PKHD1: variants seen among roughly 807,000 people sequenced by gnomAD.
PKHD1 encodes PKHD1 ciliary IPT domain containing fibrocystin/polyductin.
PKHD1 carries 291 observed loss-of-function variants against 412.0 expected under a neutral mutation model. The ratio of observed to expected loss-of-function variants is 0.71; its 90% confidence interval spans 0.64 to 0.78. The LOEUF (loss-of-function observed/expected upper bound fraction) is 0.78. PKHD1 is among the 30% of genes least tolerant of loss of function. The probability of loss-of-function intolerance (pLI) is 0.00; values close to 1 mark genes in which losing one functional copy is unlikely to be tolerated. For missense variants in PKHD1, 4,825 were observed against 4,950.7 expected, an observed-to-expected ratio of 0.97 and a Z score of 0.76; for synonymous variants, 1,777 against 1,821.5, an observed-to-expected ratio of 0.98 and a Z score of 0.62.
intron 34 of PKHD1, among the ~76,000 whole-genome samples, chr6:52,014,738 ATGGATGG>A (rs1800284034): frequency 6.7e-6 from 1 of 148,190 alleles, no homozygotes; most frequent in Non-Finnish European, 1.5e-5. Context: ...GGATGGATGG[ATGGATGG>A]ATGGATGGAT....
intron 63 of PKHD1, among the ~76,000 whole-genome samples, chr6:51,642,349 G>A (rs1383681945): frequency 6.6e-6 from 1 of 152,150 alleles, no homozygotes; most frequent in Non-Finnish European, 1.5e-5. Flanking sequence ...TATGGACTAT[G>A]GGTTAGAAAT....
chr6:51,813,255 T>C (rs1764966666), intron 52 of PKHD1, among the ~76,000 whole-genome samples: 1 of 152,190 alleles, frequency 6.6e-6, no homozygotes, highest in African/African-American at 2.4e-5. Context: ...TCTTAGTGTG[T>C]CAAACATGGT....
chr6:52,065,153 A>ATATATATG (rs1809394842), intron 12 of PKHD1, 103 bp from the exon 13 acceptor site: 2 of 98,796 alleles, frequency 2.0e-5, no homozygotes, highest in Non-Finnish European at 3.8e-5. Context: ...ATATATATAT[A>ATATATATG]TATATATATA....
intron 52 of PKHD1, among the ~76,000 whole-genome samples, chr6:51,807,451 AAAAAAAAAT>A (rs1255722551): frequency 0.043 from 3,640 of 83,798 alleles, 235 homozygotes; most frequent in East Asian, 0.093. Flanking sequence ...AAAAAAAAAA[AAAAAAAAAT>A]ATATATATAT....
chr6:51,981,571 G>A (rs559823552), intron 35 of PKHD1, among the ~76,000 whole-genome samples: 403 of 146,696 alleles, frequency 2.7e-3, no homozygotes, highest in African/African-American at 8.8e-3. Flanking sequence ...CGCCAGCCTC[G>A]GCCTCCCGGG....
At chr6:51,709,576 T>C (rs188388806) in intron 60 of PKHD1, among the ~76,000 whole-genome samples, 80 of 152,330 alleles carry the variant, frequency 5.3e-4, no homozygotes, top group African/African-American at 1.8e-3. Flanking sequence ...CAGCACTCTT[T>C]CTATGGGAAA....
chr6:52,034,171 C>A (rs1277788103), intron 28 of PKHD1, among the ~76,000 whole-genome samples: 1 of 83,430 alleles, frequency 1.2e-5, no homozygotes, highest in Non-Finnish European at 2.8e-5. Context: ...AAAATAGGAA[C>A]TCTAGGGGAA....
intron 36 of PKHD1, among the ~76,000 whole-genome samples, chr6:51,939,343 G>C (rs375795898): frequency 6.6e-6 from 1 of 150,696 alleles, no homozygotes; most frequent in African/African-American, 2.4e-5. Flanking sequence ...GCAAGAACCC[G>C]CTGACCCCTT....
intron 61 of PKHD1, among the ~76,000 whole-genome samples, chr6:51,655,756 C>A (rs923032898): frequency 1.3e-5 from 2 of 152,016 alleles, no homozygotes; most frequent in Non-Finnish European, 2.9e-5. Flanking sequence ...CCTATGACTA[C>A]AGAATTGAGG....
intron 65 of PKHD1, among the ~76,000 whole-genome samples, chr6:51,629,476 T>G (rs1378265356): frequency 2.0e-5 from 3 of 152,046 alleles, no homozygotes; most frequent in African/African-American, 7.2e-5. Flanking sequence ...TCATCATCAC[T>G]AATCATTAGA....
intron 52 of PKHD1, among the ~76,000 whole-genome samples, chr6:51,828,705 G>T (rs1767743887): frequency 6.6e-6 from 1 of 151,980 alleles, no homozygotes; most frequent in Non-Finnish European, 1.5e-5. Context: ...TTTAAAGAAG[G>T]CTAGGAATGA....
intron 31 of PKHD1, among the ~76,000 whole-genome samples, chr6:52,027,525 T>C (rs1581822651): frequency 2.6e-5 from 2 of 78,358 alleles, no homozygotes; most frequent in South Asian, 4.5e-4. Context: ...AGAGCGAAAC[T>C]CCGTCTCAAA....
chr6:51,841,295 A>C (rs1037931159), intron 50 of PKHD1, among the ~76,000 whole-genome samples: 1 of 152,244 alleles, frequency 6.6e-6, no homozygotes, highest in Non-Finnish European at 1.5e-5. Context: ...TAAGGCTAGC[A>C]ACTCAGCATT....
At chr6:51,629,946 C>T (rs1200554572) in intron 65 of PKHD1, among the ~76,000 whole-genome samples, 1 of 151,652 alleles carries the variant, frequency 6.6e-6, no homozygotes, top group Non-Finnish European at 1.5e-5. Context: ...CTTGTATCAA[C>T]TACATGAGCT....
At chr6:51,872,496 C>T (rs1409212403) in intron 46 of PKHD1, among the ~76,000 whole-genome samples, 1 of 152,028 alleles carries the variant, frequency 6.6e-6, no homozygotes, top group Non-Finnish European at 1.5e-5. Flanking sequence ...GCAACCTCTG[C>T]TTCCTGGGTT....
At chr6:51,715,170 CTT>C (rs1001126384) in intron 60 of PKHD1, among the ~76,000 whole-genome samples, 21 of 151,782 alleles carry the variant, frequency 1.4e-4, no homozygotes, top group African/African-American at 5.1e-4. Flanking sequence ...AATTGTCTCT[CTT>C]TTTTTTCTGA....
intron 60 of PKHD1, among the ~76,000 whole-genome samples, chr6:51,696,401 G>A (rs937269087): frequency 6.6e-6 from 1 of 152,110 alleles, no homozygotes; most frequent in East Asian, 1.9e-4. Context: ...CAAGGTTCAC[G>A]AGAGCCATCA....
rs1257592689 is a variant in PKHD1, at chr6:51,772,776, T to C, written c.8568A>G (p.Lys2856=). 1 of 1,581,276 alleles carries C rather than the reference T, an allele frequency of 6.3e-7. No homozygotes were observed. Among genetic ancestry groups the C allele is most frequent in the Non-Finnish European group, 8.7e-7 (1 of 1,150,694 alleles). ...IDPGTIGVYG[K]VHLYSAYPKN... ...TAGGATAAGCACTGTAAAGATGAAC[T>C]TTCCCATAAACCCCTGAAAATAAAA... The change falls in exon 55 of 67, where the codon AAA becomes AAG. Residue 2856 remains lysine, a synonymous_variant. Coordinates refer to ENST00000371117, the MANE Select transcript of PKHD1 (RefSeq NM_138694.4).
chr6:51,699,777 T>C lies in PKHD1; in HGVS notation c.10157-39808A>G, dbSNP rs1469940807. On this transcript the variant is annotated intron_variant, in intron 60 of 66. Coordinates refer to ENST00000371117, the MANE Select transcript of PKHD1 (RefSeq NM_138694.4). Reference sequence around the variant, plus strand: ...TGTTTATTTCTTTTTGTATCTGTGCTAACTATAAAATGTGCTCCATGCTTT... The same window carrying C: ...TGTTTATTTCTTTTTGTATCTGTGCCAACTATAAAATGTGCTCCATGCTTT... 2.6e-5 allele frequency among the ~76,000 whole-genome samples: 4 copies of C among 152,140 alleles called. No homozygotes were observed. In the South Asian group the frequency reaches 6.2e-4, roughly 24 times the overall value.
Sources: allele counts gnomAD v4.1 joint callset (sites outside exome capture counted in the v4.1 genomes callset), GRCh38; gene constraint gnomAD v4.1.1; transcripts MANE v1.5; gene names NCBI Gene and HGNC (gene_info 2026-07-23, HGNC 2026-07-21).